The following PKN2 variants were observed in gnomAD, a reference collection of about 807,000 sequenced individuals.
PKN2 encodes protein kinase N2.
Under a neutral mutation model 119.1 loss-of-function variants are expected in PKN2, and 38 were observed. The ratio of observed to expected loss-of-function variants is 0.32; its 90% CI spans 0.25 to 0.42. The LOEUF is 0.42. PKN2 is among the 10% of genes least tolerant of loss of function. The probability of loss-of-function intolerance (pLI) is 1.00; values close to 1 mark genes in which losing one functional copy is unlikely to be tolerated. For missense variants in PKN2, 850 were observed against 1,165.1 expected, an observed-to-expected ratio of 0.73 and a Z score of 3.94; for synonymous variants, 390 against 384.9, an observed-to-expected ratio of 1.01 and a Z score of -0.15.
intron 3 of PKN2, among the ~76,000 whole-genome samples, chr1:88,764,572 CAATG>C (rs945172014): frequency 2.0e-5 from 3 of 152,192 alleles, no homozygotes; most frequent in African/African-American, 7.2e-5. Context: ...TCTGTTAAAA[CAATG>C]GATACCGCTT....
At position 88,690,768 on chromosome 1, in the gene PKN2, ATG is replaced by A. The variant is rs1666300206; in HGVS notation, c.48+6141_48+6142del. On this transcript the variant is annotated intron_variant, in intron 1 of 21. Coordinates refer to ENST00000370521, the MANE Select transcript of PKN2 (RefSeq NM_006256.4). ...TATACATAAATATTGCCTGTAAAAA[ATG>A]AAGATCAAGAAAGCATGGGACAGTG... Among the ~76,000 whole-genome samples the A allele has an allele frequency of 3.3e-5, 5 of 152,334 alleles. No homozygotes were observed. In the South Asian group the frequency reaches 1.0e-3, roughly 32 times the overall value.
At chr1:88,818,540 C>T (rs28787364) in intron 16 of PKN2, among the ~76,000 whole-genome samples, 6,143 of 151,016 alleles carry the variant, frequency 0.041, 200 homozygotes, top group African/African-American at 0.085. Flanking sequence ...CCCAGCTACT[C>T]GGGAGACTGA....
chr1:88,696,713 A>T (rs1239976904), intron 1 of PKN2, among the ~76,000 whole-genome samples: 2 of 152,134 alleles, frequency 1.3e-5, no homozygotes, highest in East Asian at 3.8e-4. Context: ...ACCTCTTGTG[A>T]GGTTGGGACA....
At chr1:88,739,313 A>AG in intron 1 of PKN2, among the ~76,000 whole-genome samples, 1 of 151,656 alleles carries the variant, frequency 6.6e-6, no homozygotes, top group South Asian at 2.1e-4. Context: ...CTCTACCAGA[A>AG]AAAAAAAGAG....
intron 1 of PKN2, among the ~76,000 whole-genome samples, chr1:88,716,193 G>A (rs1314111913): frequency 1.3e-5 from 2 of 152,172 alleles, no homozygotes; most frequent in African/African-American, 2.4e-5. Flanking sequence ...TACATTTGCT[G>A]AGGAGTGCTT....
At chr1:88,752,994 A>G (rs1482173306) in intron 2 of PKN2, among the ~76,000 whole-genome samples, 4 of 152,076 alleles carry the variant, frequency 2.6e-5, no homozygotes, top group Admixed American at 6.5e-5. Context: ...TTTTTTAAGA[A>G]TCAATTATTA....
At chr1:88,686,451 A>G (rs1666105031) in intron 1 of PKN2, among the ~76,000 whole-genome samples, 1 of 152,128 alleles carries the variant, frequency 6.6e-6, no homozygotes, top group South Asian at 2.1e-4. Flanking sequence ...GCAAGCAAAG[A>G]AGGAAGAAAT....
At chr1:88,776,199 C>T (rs1670094607) in intron 6 of PKN2, among the ~76,000 whole-genome samples, 1 of 127,922 alleles carries the variant, frequency 7.8e-6, no homozygotes, top group Non-Finnish European at 1.6e-5. Context: ...CTCTCCCTCC[C>T]TCCCCCTCCC....
intron 15 of PKN2, 23 bp from the exon 16 acceptor site, chr1:88,813,533 AT>A: frequency 6.9e-7 from 1 of 1,455,000 alleles, no homozygotes; most frequent in South Asian, 1.3e-5. Context: ...TAATCTGCTT[AT>A]TTTAAAATAT....
chr1:88,720,602 C>G (rs1185235778), intron 1 of PKN2, among the ~76,000 whole-genome samples: 1 of 152,094 alleles, frequency 6.6e-6, no homozygotes, highest in African/African-American at 2.4e-5. Context: ...ATAAGTAGCC[C>G]TTTTCAAAAA....
chr1:88,722,995 A>C (rs1001748296), intron 1 of PKN2, among the ~76,000 whole-genome samples: 4 of 152,184 alleles, frequency 2.6e-5, no homozygotes, highest in African/African-American at 9.7e-5. Context: ...GCATCTAACC[A>C]ATATAGGTGA....
At position 88,765,789 on chromosome 1, in the gene PKN2, C is replaced by A. The variant is rs539417033; in HGVS notation, c.505-4563C>A. Among the ~76,000 whole-genome samples, 6 of 152,172 alleles carry A rather than the reference C, an allele frequency of 3.9e-5. No homozygotes were observed. In the South Asian group the frequency reaches 1.2e-3, roughly 32 times the overall value. ...TGGATTCCCTTAACTAAAATTGATT[C>A]CACTTTTTTGTTTGTTTGTTTTTGG... On this transcript the variant is annotated intron_variant, in intron 3 of 21. Transcript: ENST00000370521.
chr1:88,794,967 A>T (rs1047677327), intron 8 of PKN2, among the ~76,000 whole-genome samples: 2 of 152,188 alleles, frequency 1.3e-5, no homozygotes, highest in Admixed American at 1.3e-4. Context: ...TCTGCTCTAT[A>T]TCCTGAATGA....
intron 1 of PKN2, among the ~76,000 whole-genome samples, chr1:88,730,143 C>T (rs1422661991): frequency 6.6e-6 from 1 of 150,574 alleles, no homozygotes; most frequent in Admixed American, 6.6e-5. Context: ...CCAGCCTGGG[C>T]GACAGAACGA....
intron 1 of PKN2, among the ~76,000 whole-genome samples, chr1:88,738,090 C>G (rs1398208289): frequency 6.6e-6 from 1 of 152,024 alleles, no homozygotes; most frequent in Non-Finnish European, 1.5e-5. Context: ...TAGAGGGAAG[C>G]ATGAGTTCCT....
intron 6 of PKN2, among the ~76,000 whole-genome samples, 153 bp downstream of exon 6, chr1:88,772,032 T>G (rs1032353897): frequency 6.6e-6 from 1 of 152,238 alleles, no homozygotes; most frequent in South Asian, 2.1e-4. Flanking sequence ...TTTAATTTTA[T>G]TCAATTTGGA....
chr1:88,793,096 T>G (rs1570639135), intron 8 of PKN2, among the ~76,000 whole-genome samples: 1 of 152,174 alleles, frequency 6.6e-6, no homozygotes, highest in Admixed American at 6.5e-5. Flanking sequence ...TACAAAATTA[T>G]AGTAGTACAG....
chr1:88,797,315 CAA>C (rs1671114248), intron 8 of PKN2, among the ~76,000 whole-genome samples: 1 of 140,022 alleles, frequency 7.1e-6, no homozygotes, highest in Non-Finnish European at 1.5e-5. Context: ...GCCTGGGCAA[CAA>C]GAGCAAAACT....
intron 1 of PKN2, among the ~76,000 whole-genome samples, chr1:88,717,484 T>G (rs1667501778): frequency 6.6e-6 from 1 of 152,098 alleles, no homozygotes; most frequent in South Asian, 2.1e-4. Context: ...CTTGGAGGCT[T>G]TGTTCGTTTC....
Sources: allele counts gnomAD v4.1 joint callset (sites outside exome capture counted in the v4.1 genomes callset), GRCh38; gene constraint gnomAD v4.1.1; transcripts MANE v1.5; gene names NCBI Gene and HGNC (gene_info 2026-07-23, HGNC 2026-07-21).